The following TPST1 variants were observed in gnomAD, a reference collection of about 807,000 sequenced individuals.
TPST1 encodes protein-tyrosine sulfotransferase 1.
A neutral mutation model predicts 34.8 loss-of-function variants in TPST1; 20 were observed. The ratio of observed to expected loss-of-function variants is 0.57; its 90% CI spans 0.40 to 0.84. TPST1 has a LOEUF of 0.84. Among genes scored for constraint, TPST1 ranks in the 40% least tolerant of loss-of-function variants. TPST1 has a pLI of 0.00. For missense variants in TPST1, 353 were observed against 455.5 expected, an observed-to-expected ratio of 0.78 and a Z score of 2.05; for synonymous variants, 152 against 159.4, an observed-to-expected ratio of 0.95 and a Z score of 0.35.
At chr7:66,302,437 C>T (rs544623408) in intron 3 of TPST1, among the ~76,000 whole-genome samples, 2 of 152,336 alleles carry the variant, frequency 1.3e-5, no homozygotes, top group African/African-American at 4.8e-5. Context: ...CTTTCTGTCT[C>T]TCACTGTGCT....
intron 2 of TPST1, among the ~76,000 whole-genome samples, chr7:66,246,153 C>T (rs1790142509): frequency 6.8e-6 from 1 of 146,552 alleles, no homozygotes; most frequent in Admixed American, 6.9e-5. Context: ...GCTGGGATTA[C>T]AGGTGCATGC....
chr7:66,356,639 G>A (rs1019630246), intron 4 of TPST1, among the ~76,000 whole-genome samples, 186 bp from the exon 5 acceptor site: 3 of 152,074 alleles, frequency 2.0e-5, no homozygotes, highest in South Asian at 2.1e-4. Flanking sequence ...CCAAGGATTC[G>A]GCATTTCCCT....
At chr7:66,230,023 C>T (rs995699626) in intron 1 of TPST1, among the ~76,000 whole-genome samples, 1 of 152,108 alleles carries the variant, frequency 6.6e-6, no homozygotes, top group Non-Finnish European at 1.5e-5. Context: ...CCCGTCTCTA[C>T]TAAAAAATAC....
chr7:66,245,276 AT>A (rs1790123683), intron 2 of TPST1, among the ~76,000 whole-genome samples: 1 of 152,132 alleles, frequency 6.6e-6, no homozygotes, highest in Non-Finnish European at 1.5e-5. Flanking sequence ...GGGAATAGAG[AT>A]TGGACTTAAC....
At chr7:66,204,547 G>T (rs1475511160), upstream of TPST1, among the ~76,000 whole-genome samples, 1 of 152,212 alleles carries the variant, frequency 6.6e-6, no homozygotes, top group Non-Finnish European at 1.5e-5. Flanking sequence ...ACAGCTGTTA[G>T]ATTCTGCACT....
intron 1 of TPST1, among the ~76,000 whole-genome samples, chr7:66,213,353 A>G (rs1789303762): frequency 6.6e-6 from 1 of 151,844 alleles, no homozygotes; most frequent in Non-Finnish European, 1.5e-5. Context: ...CCGAGTTATT[A>G]TTTTGGTTGT....
At chr7:66,303,185 A>G (rs1435258126) in intron 3 of TPST1, among the ~76,000 whole-genome samples, 1 of 152,146 alleles carries the variant, frequency 6.6e-6, no homozygotes, top group Non-Finnish European at 1.5e-5. Context: ...CATGCCAGAC[A>G]TGCCTTCATC....
chr7:66,211,569 A>G (rs1394206933), intron 1 of TPST1, among the ~76,000 whole-genome samples: 1 of 152,294 alleles, frequency 6.6e-6, no homozygotes, highest in Non-Finnish European at 1.5e-5. Context: ...GATAAGTGAT[A>G]TAAAACAGAG....
intron 1 of TPST1, among the ~76,000 whole-genome samples, chr7:66,212,953 T>C (rs1310237021): frequency 1.3e-5 from 2 of 152,220 alleles, no homozygotes; most frequent in African/African-American, 4.8e-5. Context: ...CATTTTCTTA[T>C]AGGTAACATC....
chr7:66,338,726 T>C (rs1167127797), intron 3 of TPST1, among the ~76,000 whole-genome samples: 1 of 152,054 alleles, frequency 6.6e-6, no homozygotes, highest in Non-Finnish European at 1.5e-5. Context: ...TGAAGAAATT[T>C]TAAAGTAAAT....
At chr7:66,271,052 T>C (rs1790694037) in intron 2 of TPST1, among the ~76,000 whole-genome samples, 1 of 152,216 alleles carries the variant, frequency 6.6e-6, no homozygotes, top group Admixed American at 6.5e-5. Flanking sequence ...CTTTTGCTTT[T>C]TTGGGGCCAG....
chr7:66,212,300 G>T (rs565624880), intron 1 of TPST1, among the ~76,000 whole-genome samples: 3 of 152,096 alleles, frequency 2.0e-5, no homozygotes, highest in Non-Finnish European at 2.9e-5. Flanking sequence ...GAAAATTAAG[G>T]AAGTAAGGAA....
intron 3 of TPST1, among the ~76,000 whole-genome samples, chr7:66,299,531 T>C (rs1791272303): frequency 6.6e-6 from 1 of 152,094 alleles, no homozygotes; most frequent in Non-Finnish European, 1.5e-5. Flanking sequence ...ATTTTTGGTT[T>C]TCAGCAGTTT....
intron 3 of TPST1, among the ~76,000 whole-genome samples, chr7:66,331,004 G>A (rs576109830): frequency 6.6e-6 from 1 of 152,332 alleles, no homozygotes; most frequent in African/African-American, 2.4e-5. Context: ...TGAAGTTGCA[G>A]TCAAGCTGTC....
intron 2 of TPST1, among the ~76,000 whole-genome samples, chr7:66,268,040 C>G (rs1164132125): frequency 6.6e-6 from 1 of 152,026 alleles, no homozygotes; most frequent in African/African-American, 2.4e-5. Flanking sequence ...GCAACCTCCT[C>G]CTCTCGGGCT....
chr7:66,350,364 C>G (rs1028472581), intron 3 of TPST1, among the ~76,000 whole-genome samples: 2 of 152,022 alleles, frequency 1.3e-5, no homozygotes, highest in Admixed American at 6.6e-5. Context: ...CTAAGCCAGC[C>G]CCCATTGACT....
At chr7:66,226,886 A>G (rs2116320927) in intron 1 of TPST1, among the ~76,000 whole-genome samples, 1 of 152,156 alleles carries the variant, frequency 6.6e-6, no homozygotes, top group East Asian at 1.9e-4. Flanking sequence ...ACTTTGAACA[A>G]CAAACTACTG....
intron 3 of TPST1, among the ~76,000 whole-genome samples, chr7:66,313,091 C>G (rs540106547): frequency 1.1e-3 from 160 of 149,544 alleles, no homozygotes; most frequent in African/African-American, 3.6e-3. Flanking sequence ...TATCAAGGCA[C>G]AAAAAAATGA....
intron 2 of TPST1, among the ~76,000 whole-genome samples, chr7:66,247,338 G>A (rs947394751): frequency 4.6e-5 from 7 of 152,206 alleles, no homozygotes; most frequent in African/African-American, 1.7e-4. Context: ...TGAGGCAGGA[G>A]AATCACTTGA....
Sources: allele counts gnomAD v4.1 joint callset (sites outside exome capture counted in the v4.1 genomes callset), GRCh38; gene constraint gnomAD v4.1.1; transcripts MANE v1.5; gene names NCBI Gene and HGNC (gene_info 2026-07-23, HGNC 2026-07-21).